Variants in CHSY3 observed in about 807,000 individuals in gnomAD.
CHSY3 encodes chondroitin sulfate synthase 3.
CHSY3 carries 35 observed loss-of-function variants against 67.2 expected under a neutral mutation model. The observed-to-expected ratio is 0.52, with a 90% confidence interval of 0.40 to 0.69. The LOEUF is 0.69. CHSY3 is among the 30% of genes least tolerant of loss of function. The pLI, the probability that CHSY3 is intolerant of heterozygous loss-of-function variation, is 0.00. For missense variants in CHSY3, 1,069 were observed against 1,138.5 expected (o/e 0.94, Z 0.88); for synonymous variants, 474 against 434.7 (o/e 1.09, Z -1.12).
intron 2 of CHSY3, among the ~76,000 whole-genome samples, chr5:130,183,584 A>G (rs759374523): frequency 6.6e-6 from 1 of 152,044 alleles, no homozygotes; most frequent in Non-Finnish European, 1.5e-5. Context: ...GTGATCTGTT[A>G]TGGGGTTATG....
At chr5:130,163,229 AAAG>A (rs1356065745) in intron 2 of CHSY3, among the ~76,000 whole-genome samples, 1 of 152,242 alleles carries the variant, frequency 6.6e-6, no homozygotes, top group Non-Finnish European at 1.5e-5. Context: ...TTATTTAACA[AAAG>A]AAACACAGTA....
At chr5:130,124,423 C>T (rs954424163) in intron 2 of CHSY3, among the ~76,000 whole-genome samples, 3 of 151,508 alleles carry the variant, frequency 2.0e-5, no homozygotes, top group African/African-American at 4.8e-5. Flanking sequence ...TTTATCTGCA[C>T]TTCAGTACAA....
intron 2 of CHSY3, among the ~76,000 whole-genome samples, chr5:129,991,161 T>C (rs919659514): frequency 6.6e-6 from 1 of 152,076 alleles, no homozygotes; most frequent in East Asian, 1.9e-4. Flanking sequence ...AGTTGAAGAA[T>C]AGCATAACTG....
chr5:130,046,037 G>A (rs1295985676), intron 2 of CHSY3, among the ~76,000 whole-genome samples: 1 of 152,014 alleles, frequency 6.6e-6, no homozygotes, highest in East Asian at 1.9e-4. Flanking sequence ...TCTAATGCTA[G>A]CAATACTTAA....
intron 2 of CHSY3, among the ~76,000 whole-genome samples, chr5:130,168,056 T>A (rs1177132748): frequency 2.0e-5 from 3 of 152,098 alleles, no homozygotes; most frequent in Non-Finnish European, 2.9e-5. Context: ...CTGAAGAGGT[T>A]CTTTTTTCTT....
At chr5:129,907,195 T>C (rs1409722323) in intron 1 of CHSY3, among the ~76,000 whole-genome samples, 1 of 152,208 alleles carries the variant, frequency 6.6e-6, no homozygotes, top group Non-Finnish European at 1.5e-5. Context: ...TTTAATACTT[T>C]GAAAGATTGT....
chr5:130,159,161 C>CTTTTTTTTTTTTTT (rs33919002), intron 2 of CHSY3, among the ~76,000 whole-genome samples: 1 of 98,706 alleles, frequency 1.0e-5, no homozygotes, highest in Non-Finnish European at 2.0e-5. Flanking sequence ...TAAGATTTGT[C>CTTTTTTTTTTTTTT]TTTTTTTTTT....
chr5:130,025,701 C>G (rs1461117653), intron 2 of CHSY3, among the ~76,000 whole-genome samples: 1 of 151,980 alleles, frequency 6.6e-6, no homozygotes. Context: ...TGTGTCCTCC[C>G]ATAGCAGAAG....
At chr5:129,999,248 T>C (rs550731439) in intron 2 of CHSY3, among the ~76,000 whole-genome samples, 3 of 152,098 alleles carry the variant, frequency 2.0e-5, no homozygotes, top group African/African-American at 7.2e-5. Context: ...TATATACATA[T>C]ACACCCAACC....
chr5:129,969,573 T>C (rs529440095), intron 2 of CHSY3, among the ~76,000 whole-genome samples: 1 of 151,970 alleles, frequency 6.6e-6, no homozygotes, highest in African/African-American at 2.4e-5. Context: ...AAAAAGAAAC[T>C]CTTTTCATGA....
rs1016502745 is a variant in CHSY3 at position 130,166,123 on chromosome 5, G to A, written c.1087-18106G>A. Among the ~76,000 whole-genome samples the A allele has an allele frequency of 2.0e-5, 3 of 152,074 alleles. No individual in the cohort carries two copies. The East Asian group carries it at 5.8e-4, about 29-fold the overall frequency. On this transcript the variant is annotated intron_variant, in intron 2 of 2. Coordinates refer to ENST00000305031, the MANE Select transcript of CHSY3 (RefSeq NM_175856.5). ...AATATAGTTATTTAGCTCATTGATT[G>A]TACTAATTATAGTTTTATTCCTCAA...
At chr5:130,104,501 A>G (rs1309297027) in intron 2 of CHSY3, among the ~76,000 whole-genome samples, 4 of 151,818 alleles carry the variant, frequency 2.6e-5, no homozygotes, top group African/African-American at 9.7e-5. Context: ...GGAAGAGATT[A>G]CCTATTTTTA....
chr5:130,051,757 A>G (rs1267765519), intron 2 of CHSY3, among the ~76,000 whole-genome samples: 2 of 152,138 alleles, frequency 1.3e-5, no homozygotes, highest in African/African-American at 4.8e-5. Context: ...CAAGTGAAAC[A>G]TTCTGGGAAA....
At chr5:130,027,952 A>T (rs1287976069) in intron 2 of CHSY3, among the ~76,000 whole-genome samples, 1 of 152,174 alleles carries the variant, frequency 6.6e-6, no homozygotes, top group African/African-American at 2.4e-5. Context: ...GTGCTTTTAT[A>T]GCAACATGAT....
intron 2 of CHSY3, among the ~76,000 whole-genome samples, chr5:130,070,933 A>G (rs1026009410): frequency 1.3e-5 from 2 of 151,958 alleles, no homozygotes; most frequent in Admixed American, 1.3e-4. Flanking sequence ...GTTCCTTTTT[A>G]TTTGTAGAGA....
chr5:129,949,299 A>C (rs1344917641), intron 2 of CHSY3, among the ~76,000 whole-genome samples: 1 of 152,168 alleles, frequency 6.6e-6, no homozygotes, highest in Non-Finnish European at 1.5e-5. Flanking sequence ...AAATACAAAA[A>C]ATCATAAGAA....
At chr5:130,168,578 G>T (rs1561567608) in intron 2 of CHSY3, among the ~76,000 whole-genome samples, 1 of 152,118 alleles carries the variant, frequency 6.6e-6, no homozygotes, top group East Asian at 1.9e-4. Context: ...GAAACATTTA[G>T]AAGCTTGGGA....
At chr5:129,928,677 G>A (rs1761196824) in intron 2 of CHSY3, among the ~76,000 whole-genome samples, 1 of 152,014 alleles carries the variant, frequency 6.6e-6, no homozygotes, top group Admixed American at 6.6e-5. Flanking sequence ...CAAATATCTG[G>A]TATTTTATTA....
intron 2 of CHSY3, among the ~76,000 whole-genome samples, chr5:130,018,743 G>T (rs1163006909): frequency 6.6e-6 from 1 of 152,142 alleles, no homozygotes; most frequent in Non-Finnish European, 1.5e-5. Context: ...TTGATCCCTA[G>T]TGTGGTGATG....
Sources: allele counts gnomAD v4.1 joint callset (sites outside exome capture counted in the v4.1 genomes callset), GRCh38; gene constraint gnomAD v4.1.1; transcripts MANE v1.5; gene names NCBI Gene and HGNC (gene_info 2026-07-23, HGNC 2026-07-21).